The following KDF1 variants were observed in gnomAD, a reference collection of about 807,000 sequenced individuals.
The protein encoded by KDF1 is keratinocyte differentiation factor 1, also known as RP11-344H11.3.
Under a neutral mutation model 31.6 loss-of-function variants are expected in KDF1, and 11 were observed. The ratio of observed to expected loss-of-function variants is 0.35; its 90% CI spans 0.22 to 0.58. KDF1 has a LOEUF of 0.58. KDF1 is among the 20% of genes least tolerant of loss of function. KDF1 has a pLI of 0.83. For synonymous variants in KDF1, 205 were observed against 214.4 expected, an observed-to-expected ratio of 0.96 and a Z score of 0.38; for missense variants, 476 against 549.1, an observed-to-expected ratio of 0.87 and a Z score of 1.33.
chr1:26,958,929 T>C (rs2082389054), intron 1 of KDF1, among the ~76,000 whole-genome samples: 1 of 152,216 alleles, frequency 6.6e-6, no homozygotes, highest in Non-Finnish European at 1.5e-5. Context: ...CTCTCTATTA[T>C]TGATTAAATT....
chr1:26,956,808 G>A (rs2082378980), intron 1 of KDF1, among the ~76,000 whole-genome samples: 1 of 152,192 alleles, frequency 6.6e-6, no homozygotes, highest in African/African-American at 2.4e-5. Context: ...AGGATTATCT[G>A]CAACCTAATC....
rs376564837 is a variant in KDF1 at position 26,951,553 on chromosome 1, C to T, written c.828G>A (p.Ser276=). 5.6e-6 allele frequency: 9 copies of T among 1,612,656 alleles called. No homozygotes were observed. Among genetic ancestry groups the T allele is most frequent in the African/African-American group, 1.3e-5 (1 of 74,896 alleles). The change falls in exon 2 of 4, where the codon TCG becomes TCA. Residue 276 remains serine (S), a synonymous_variant. Transcript: ENST00000320567. The surrounding 1 kb of genome is among the most constrained non-coding windows in gnomAD (Gnocchi z 5.4). The part of the protein sequence containing the change: ...TVFLEKTSKI[S]DLISSITQDY... ...CCTGCGTGATGCTGCTGATAAGGTC[C>T]GAGATCTTACTGGTCTTCTCCAGGA... is the stretch of plus-strand genomic sequence containing the variant.
In KDF1 at chr1:26,950,006, C is replaced by T. The variant is rs2082339483; in HGVS notation, c.*63G>A. On this transcript the variant is annotated 3_prime_UTR_variant, in exon 4 of 4. Transcript: ENST00000320567. This position sits in a 1 kb window ranked among gnomAD's most constrained non-coding sequence, Gnocchi z 4.0. ...CCTCTCCCACAGGGGTTCCTGGTCC[C>T]CCTCTTCATTCTGTAGGCCATGCTT... 1 of 1,525,404 alleles carries T rather than the reference C, an allele frequency of 6.6e-7. No homozygotes were observed. Among genetic ancestry groups the T allele is most frequent in the Non-Finnish European group, 9.1e-7 (1 of 1,102,846 alleles). 94.5% of individuals were successfully genotyped at this position (1,525,404 alleles called of 1,614,324 possible).
At position 26,952,759 on chromosome 1, in the gene KDF1, T is replaced by C. The variant is rs1289256766; in HGVS notation, c.-32-347A>G. The stretch of plus-strand genomic sequence containing the variant: ...ACTTTGGGAGGCCGAGGCAGGCAGA[T>C]CACCTGAGGTCAGGAGTTCGAGACC... On this transcript the variant is annotated intron_variant, in intron 1 of 3. Coordinates refer to ENST00000320567, the MANE Select transcript of KDF1 (RefSeq NM_152365.3). The surrounding 1 kb of genome is among the most constrained non-coding windows in gnomAD (Gnocchi z 4.1). Among the ~76,000 whole-genome samples, 1 of 152,104 alleles carries C rather than the reference T, an allele frequency of 6.6e-6. No homozygotes were observed. The highest frequency in any genetic ancestry group is 1.9e-4 in the East Asian group (1 of 5,196).
intron 1 of KDF1, among the ~76,000 whole-genome samples, chr1:26,957,978 C>A (rs1168480480): frequency 6.6e-6 from 1 of 151,278 alleles, no homozygotes; most frequent in East Asian, 1.9e-4. Context: ...CCACACCCAG[C>A]TAATTTTTTT....
rs1306424911 is a variant in KDF1, at chr1:26,952,374, G to T, written c.7C>A (p.Arg3Ser). The T allele has an allele frequency of 6.6e-7, 1 of 1,504,472 alleles. No homozygotes were observed. The highest frequency in any genetic ancestry group is 8.8e-7 in the Non-Finnish European group (1 of 1,131,866). 93.2% of individuals were successfully genotyped at this position (1,504,472 alleles called of 1,614,324 possible). The change falls in exon 2 of 4, where the codon CGC becomes AGC. Residue 3 changes from arginine to serine, a missense_variant. Around this residue, in one of 2 missense-constraint regions of KDF1, gnomAD observed 330 missense variants for 332.3 expected, o/e 0.99. Transcript: ENST00000320567. The surrounding 1 kb of genome is among the most constrained non-coding windows in gnomAD (Gnocchi z 4.1). MP[R>S]PGHPRPASGP... ...GATGCTGGGCGGGGGTGTCCAGGGCGGGGCATGGCTCATTGCATGGTTTGT... is the reference window on the plus strand; with the variant it reads ...GATGCTGGGCGGGGGTGTCCAGGGCTGGGCATGGCTCATTGCATGGTTTGT...
chr1:26,951,740 T>C lies in KDF1; in HGVS notation c.641A>G (p.Glu214Gly). ...CGACTCATGGAAAGAATAGTACTCC[T>C]CGGAGCCACGAGGACTACTGGCAAA... ...STFASSPRGS[E>G]EYYSFHESDL... The change falls in exon 2 of 4, where the codon GAG becomes GGG. Residue 214 changes from glutamate to glycine, a missense_variant. Physicochemically the swap from Glu to Gly is moderately conservative, Grantham distance 98. Transcript: ENST00000320567. The surrounding 1 kb of genome is among the most constrained non-coding windows in gnomAD (Gnocchi z 5.4). The C allele has an allele frequency of 6.2e-7, 1 of 1,613,988 alleles. No individual in the cohort carries two copies. The highest frequency in any genetic ancestry group is 8.5e-7 in the Non-Finnish European group (1 of 1,180,012).
At chr1:26,953,626 G>A (rs143392333) in intron 1 of KDF1, among the ~76,000 whole-genome samples, 308 of 152,322 alleles carry the variant, frequency 2.0e-3, no homozygotes, top group African/African-American at 7.0e-3. Context: ...GATGAACCTT[G>A]AAGAACTTAT....
Position 26,952,417 on chromosome 1 carries a change from G to A in KDF1, c.-32-5C>T, listed in dbSNP as rs1417558183. The A allele has an allele frequency of 5.4e-6, 8 of 1,481,930 alleles. No homozygotes were observed. Among genetic ancestry groups the A allele is most frequent in the South Asian group, 1.4e-5 (1 of 73,850 alleles). 91.8% of individuals were successfully genotyped at this position (1,481,930 alleles called of 1,614,324 possible). On this transcript the variant is annotated splice_polypyrimidine_tract_variant and splice_region_variant and intron_variant, in intron 1 of 3. Coordinates refer to ENST00000320567, the MANE Select transcript of KDF1 (RefSeq NM_152365.3). The surrounding 1 kb of genome is among the most constrained non-coding windows in gnomAD (Gnocchi z 4.1). ...TGGTTTGTAGCAGCCAGGCACCTGC[G>A]TGGGGAGAGGCCAGGAAGGAGTCAG... is the stretch of plus-strand genomic sequence containing the variant.
In KDF1 at chr1:26,951,834, CAG is replaced by C; in HGVS notation, c.545_546del (p.Pro182ArgfsTer27). The C allele has an allele frequency of 1.2e-6, 2 of 1,614,060 alleles. No individual in the cohort carries two copies. Among genetic ancestry groups the C allele is most frequent in the Non-Finnish European group, 1.7e-6 (2 of 1,180,012 alleles). On this transcript the variant is annotated frameshift_variant, in exon 2 of 4. Coordinates refer to ENST00000320567, the MANE Select transcript of KDF1 (RefSeq NM_152365.3). LOFTEE classifies it high-confidence loss of function. The surrounding 1 kb of genome is among the most constrained non-coding windows in gnomAD (Gnocchi z 5.4). ...YPYPRATSPA[P>X]DADSCCKEPL... Reference sequence around the variant, plus strand: ...GGCTCCTTGCAGCAGGAGTCCGCATCAGGGGCTGGGGAGGTGGCCCTCGGGTA... The same window carrying C: ...GGCTCCTTGCAGCAGGAGTCCGCATCGGGCTGGGGAGGTGGCCCTCGGGTA...
intron 1 of KDF1, among the ~76,000 whole-genome samples, chr1:26,959,597 G>A (rs1011927750): frequency 3.3e-5 from 5 of 152,140 alleles, no homozygotes; most frequent in African/African-American, 9.7e-5. Context: ...CCGCAAGGAT[G>A]TTCCCGGGGG....
chr1:26,950,467 G>T lies in KDF1; in HGVS notation c.1114+215C>A, dbSNP rs2082342841. 6.6e-6 allele frequency among the ~76,000 whole-genome samples: 1 copy of T among 152,220 alleles called. No individual in the cohort carries two copies. Among genetic ancestry groups the T allele is most frequent in the Non-Finnish European group, 1.5e-5 (1 of 68,038 alleles). On this transcript the variant is annotated intron_variant, in intron 3 of 3. Coordinates refer to ENST00000320567, the MANE Select transcript of KDF1 (RefSeq NM_152365.3). The surrounding 1 kb of genome is among the most constrained non-coding windows in gnomAD (Gnocchi z 4.0). ...ACTTTCCTAGTCATCTGGGCTTGAAGGTTGGGGTCTGATCACTTTCAGCTT... is the reference window on the plus strand; with the variant it reads ...ACTTTCCTAGTCATCTGGGCTTGAATGTTGGGGTCTGATCACTTTCAGCTT...
At chr1:26,954,725 GAGGAGGCTGAGGC>G (rs1210733765) in intron 1 of KDF1, among the ~76,000 whole-genome samples, 2 of 149,302 alleles carry the variant, frequency 1.3e-5, no homozygotes, top group Non-Finnish European at 3.0e-5. Flanking sequence ...CTCAGCTACT[GAGGAGGCTGAGGC>G]AGGAGAATCG....
At chr1:26,958,130 CTTT>C (rs537884216) in intron 1 of KDF1, among the ~76,000 whole-genome samples, 3 of 119,718 alleles carry the variant, frequency 2.5e-5, no homozygotes, top group Non-Finnish European at 1.8e-5. Flanking sequence ...GTTCTAAATT[CTTT>C]TTTTTTTTTT....
Position 26,952,061 on chromosome 1 carries a change from C to G in KDF1, c.320G>C (p.Arg107Pro). ...AGTAGACAGGCAGGGGCTGCATCCC[C>G]GCACACAGGCTCCACAGCGCTGGAG... ...DCLQRCGACV[R>P]GCSPCLSTED... The change falls in exon 2 of 4, where the codon CGG becomes CCG. Residue 107 changes from arginine (R) to proline (P), a missense_variant. By Grantham distance (103) the Arg-to-Pro change is moderately radical. This residue lies in a region of KDF1 where 330 missense variants were observed against 332.3 expected (regional missense o/e 0.99). Transcript: ENST00000320567. This position sits in a 1 kb window ranked among gnomAD's most constrained non-coding sequence, Gnocchi z 4.1. 1.9e-6 allele frequency: 3 copies of G among 1,613,380 alleles called. No individual in the cohort carries two copies. The South Asian group carries it at 3.3e-5, about 18-fold the overall frequency.
At position 26,952,200 on chromosome 1, in the gene KDF1, T is replaced by C; in HGVS notation, c.181A>G (p.Ile61Val). Residue 61 changes from isoleucine to valine, a missense_variant, in exon 2 of 4, where the codon ATC (isoleucine) becomes GTC (valine). By Grantham distance (29) the Ile-to-Val change is conservative. Around this residue, in one of 2 missense-constraint regions of KDF1, gnomAD observed 330 missense variants for 332.3 expected, o/e 0.99. Coordinates refer to ENST00000320567, the MANE Select transcript of KDF1 (RefSeq NM_152365.3). The surrounding 1 kb of genome is among the most constrained non-coding windows in gnomAD (Gnocchi z 4.1). ...GHHGPESITF[I>V]SGSAEPALES... Reference sequence around the variant, plus strand: ...AGGGCCGGCTCAGCAGAGCCAGAGATGAAGGTAATGCTCTCTGGCCCATGG... The same window carrying C: ...AGGGCCGGCTCAGCAGAGCCAGAGACGAAGGTAATGCTCTCTGGCCCATGG... 6.2e-7 allele frequency: 1 copy of C among 1,612,836 alleles called. No individual in the cohort carries two copies. Among genetic ancestry groups the C allele is most frequent in the Non-Finnish European group, 8.5e-7 (1 of 1,179,472 alleles).
chr1:26,949,946 G>A lies in KDF1; in HGVS notation c.*123C>T. 1 of 941,890 alleles carries A rather than the reference G, an allele frequency of 1.1e-6. No homozygotes were observed. The highest frequency in any genetic ancestry group is 1.6e-6 in the Non-Finnish European group (1 of 617,662). The allele number at this position is 941,890 out of a possible 1,614,324, so 58.3% of individuals were successfully genotyped here. A position where few individuals can be genotyped will look rare whatever the true frequency, so the allele number is the denominator to read the frequency against. On this transcript the variant is annotated 3_prime_UTR_variant, in exon 4 of 4. Transcript: ENST00000320567. Reference sequence around the variant, plus strand: ...TCCAGGAACCCAGTCAGCCAAGGCAGGAGGAGCCAGAGTGGGCACTGCTTC... The same window carrying A: ...TCCAGGAACCCAGTCAGCCAAGGCAAGAGGAGCCAGAGTGGGCACTGCTTC...
chr1:26,952,525 A>T lies in KDF1; in HGVS notation c.-32-113T>A, dbSNP rs1241296515. 2 of 774,392 alleles carry T rather than the reference A, an allele frequency of 2.6e-6. No individual in the cohort carries two copies. The highest frequency in any genetic ancestry group is 1.8e-5 in the African/African-American group (1 of 57,074). 48.0% of individuals were successfully genotyped at this position (774,392 alleles called of 1,614,324 possible). A position where few individuals can be genotyped will look rare whatever the true frequency, so the allele number is the denominator to read the frequency against. ...TCTGAGAGGCCTGGGATGTGGATGG[A>T]CCCAAGTATGCCCAAAAACCCTTGC... is the stretch of plus-strand genomic sequence containing the variant. On this transcript the variant is annotated intron_variant, in intron 1 of 3. Coordinates refer to ENST00000320567, the MANE Select transcript of KDF1 (RefSeq NM_152365.3). The surrounding 1 kb of genome is among the most constrained non-coding windows in gnomAD (Gnocchi z 4.1).
intron 1 of KDF1, among the ~76,000 whole-genome samples, chr1:26,957,403 G>A (rs2082381501): frequency 6.6e-6 from 1 of 152,134 alleles, no homozygotes; most frequent in African/African-American, 2.4e-5. Flanking sequence ...GATTGTTTGA[G>A]GATAAGTCTA....
Sources: allele counts gnomAD v4.1 joint callset (sites outside exome capture counted in the v4.1 genomes callset), GRCh38; gene constraint gnomAD v4.1.1; regional missense constraint gnomAD v4.1.1; non-coding constraint Gnocchi (gnomAD v3.1); transcripts MANE v1.5; gene names NCBI Gene and HGNC (gene_info 2026-07-23, HGNC 2026-07-21).